Variants in IGBP1C observed in about 807,000 individuals in gnomAD.
The protein encoded by IGBP1C is immunoglobulin-binding protein 1 family member C.
At chr17:58,660,555 G>C in the IGBP1C span, 1 of 777,602 alleles carries the variant, frequency 1.3e-6, no homozygotes, top group Non-Finnish European at 2.4e-6. Context: ...GCACCCTGCA[G>C]TCCTGCGGTG....
At chr17:58,670,771 TTAAAAAAAAAAAAA>T in the IGBP1C span, among the ~76,000 whole-genome samples, 3 of 7,956 alleles carry the variant, frequency 3.8e-4, no homozygotes, top group Admixed American at 2.1e-3. Context: ...AGACTCCCTC[TTAAAAAAAAAAAAA>T]AAAAAAAAAA....
the IGBP1C span, chr17:58,666,461 A>C: frequency 2.2e-5 from 1 of 44,954 alleles, no homozygotes; most frequent in Non-Finnish European, 5.3e-5. Context: ...TCCACGGCAA[A>C]AAAAAAAAAA....
chr17:58,689,203 A>C, the IGBP1C span, among the ~76,000 whole-genome samples: 1 of 150,280 alleles, frequency 6.7e-6, no homozygotes, highest in African/African-American at 2.5e-5. Flanking sequence ...GCTGTGAAAC[A>C]GGCGTGAGAC....
chr17:58,664,422 A>T, the IGBP1C span, among the ~76,000 whole-genome samples: 5 of 152,140 alleles, frequency 3.3e-5, no homozygotes, highest in African/African-American at 9.7e-5. Flanking sequence ...ATATTCTTGA[A>T]TTTCTTTGCT....
the IGBP1C span, chr17:58,661,412 A>G: frequency 1.2e-6 from 1 of 843,946 alleles, no homozygotes; most frequent in African/African-American, 1.7e-5. Flanking sequence ...TCGGCTGAAC[A>G]AGTCAAGCTG....
the IGBP1C span, among the ~76,000 whole-genome samples, chr17:58,663,791 T>C: frequency 6.6e-6 from 1 of 152,218 alleles, no homozygotes. Context: ...CTCAACACCC[T>C]GAGTTGTGGG....
the IGBP1C span, among the ~76,000 whole-genome samples, chr17:58,691,325 A>G: frequency 6.6e-6 from 1 of 152,144 alleles, no homozygotes; most frequent in South Asian, 2.1e-4. Context: ...TCTGATTTGC[A>G]ATATTTAGAA....
chr17:58,691,293 T>C, the IGBP1C span, among the ~76,000 whole-genome samples: 3 of 152,178 alleles, frequency 2.0e-5, no homozygotes, highest in African/African-American at 7.2e-5. Flanking sequence ...TTTCCTTTTT[T>C]AGATCTAAGT....
chr17:58,673,163 T>A, the IGBP1C span, among the ~76,000 whole-genome samples: 266 of 152,222 alleles, frequency 1.7e-3, 5 homozygotes, highest in South Asian at 0.014. Context: ...TGGGTAGTCA[T>A]GCCAAGCCTT....
chr17:58,682,933 TGAG>T, the IGBP1C span, among the ~76,000 whole-genome samples: 1 of 150,852 alleles, frequency 6.6e-6, no homozygotes, highest in Non-Finnish European at 1.5e-5. Context: ...TAGAAAAAAA[TGAG>T]GAGCTGGATG....
At chr17:58,689,478 C>CA in the IGBP1C span, among the ~76,000 whole-genome samples, 1 of 152,228 alleles carries the variant, frequency 6.6e-6, no homozygotes, top group South Asian at 2.1e-4. Flanking sequence ...CTTGGCCTCC[C>CA]AAAGTGCTAG....
chr17:58,665,789 T>C, the IGBP1C span, among the ~76,000 whole-genome samples: 2 of 150,702 alleles, frequency 1.3e-5, no homozygotes, highest in Non-Finnish European at 3.0e-5. Context: ...CTCACGCCTA[T>C]AATCCCAGCA....
chr17:58,684,819 T>G, the IGBP1C span, among the ~76,000 whole-genome samples: 1 of 150,524 alleles, frequency 6.6e-6, no homozygotes, highest in Non-Finnish European at 1.5e-5. Context: ...CACTAAAAAA[T>G]ACAAAAATTA....
the IGBP1C span, among the ~76,000 whole-genome samples, chr17:58,683,912 A>C: frequency 1.3e-5 from 2 of 150,496 alleles, no homozygotes; most frequent in African/African-American, 4.9e-5. Flanking sequence ...TAAAAATACA[A>C]AAATTAGCTG....
At chr17:58,687,058 A>T in the IGBP1C span, among the ~76,000 whole-genome samples, 2 of 151,774 alleles carry the variant, frequency 1.3e-5, no homozygotes, top group Non-Finnish European at 2.9e-5. Context: ...GGCCCATGGG[A>T]TGTGACCAAC....
chr17:58,668,237 T>C, the IGBP1C span, among the ~76,000 whole-genome samples: 1 of 152,198 alleles, frequency 6.6e-6, no homozygotes, highest in Non-Finnish European at 1.5e-5. Flanking sequence ...CATTTGCCCA[T>C]GCTGTACTTT....
the IGBP1C span, chr17:58,660,516 T>A: frequency 1.4e-6 from 1 of 723,412 alleles, no homozygotes; most frequent in African/African-American, 1.8e-5. Context: ...AGGGGAAGGC[T>A]GCATGGTTTT....
chr17:58,663,103 C>T, the IGBP1C span, among the ~76,000 whole-genome samples: 2 of 142,154 alleles, frequency 1.4e-5, no homozygotes, highest in Non-Finnish European at 3.0e-5. Flanking sequence ...AGTGAGACTC[C>T]GTCTCAAAAA....
At chr17:58,680,918 T>A in the IGBP1C span, among the ~76,000 whole-genome samples, 1 of 152,066 alleles carries the variant, frequency 6.6e-6, no homozygotes, top group Non-Finnish European at 1.5e-5. Flanking sequence ...AGTTTATAAC[T>A]TTTTTTTCCT....
Sources: gnomAD v4.1 joint callset for allele counts (sites outside exome capture counted in the v4.1 genomes callset) on GRCh38, gnomAD v4.1.1 for gene constraint, MANE v1.5 for transcripts, NCBI Gene and HGNC (gene_info 2026-07-23, HGNC 2026-07-21) for gene names.